Variants in MYBPC2 observed in about 807,000 individuals in gnomAD.
MYBPC2 encodes the protein myosin-binding protein C, fast-type.
MYBPC2 carries 122 observed loss-of-function variants against 137.0 expected under a neutral mutation model. The ratio of observed to expected loss-of-function variants is 0.89; its 90% CI spans 0.77 to 1.03. MYBPC2 has a LOEUF of 1.03. Among genes scored for constraint, MYBPC2 ranks in the 50% least tolerant of loss-of-function variants. MYBPC2 has a pLI of 0.00. For synonymous variants in MYBPC2, 626 were observed against 612.3 expected (o/e 1.02, Z -0.33); for missense variants, 1,500 against 1,534.4 (o/e 0.98, Z 0.37).
Position 50,458,960 on chromosome 19 carries a change from A to T in MYBPC2, c.2549A>T (p.Tyr850Phe). The T allele has an allele frequency of 6.2e-7, 1 of 1,612,716 alleles. No individual in the cohort carries two copies. Residue 850 changes from tyrosine to phenylalanine, a missense_variant, in exon 22 of 28, where the codon TAC (tyrosine) becomes TTC (phenylalanine). Physicochemically the swap from Tyr to Phe is conservative, Grantham distance 22. Transcript: ENST00000357701. ...IRLPRHLRQT[Y>F]IRKVGEQLNL... ...CTTCCCCGCCATCTCCGCCAGACCT[A>T]CATCCGCAAAGTGGGCGAGCAGCTC...
intron 20 of MYBPC2, among the ~76,000 whole-genome samples, chr19:50,457,293 C>T (rs953876998): frequency 6.6e-6 from 1 of 152,200 alleles, no homozygotes; most frequent in East Asian, 1.9e-4. Flanking sequence ...CAGAACCCAG[C>T]TTGTTAGAGT....
intron 6 of MYBPC2, 21 bp from the exon 7 acceptor site, chr19:50,437,638 A>G: frequency 6.2e-7 from 1 of 1,600,064 alleles, no homozygotes; most frequent in Non-Finnish European, 8.5e-7. Context: ...CAAGACTCAC[A>G]TGCCCTCTCA....
intron 20 of MYBPC2, among the ~76,000 whole-genome samples, chr19:50,456,801 A>G (rs2039918687): frequency 6.6e-6 from 1 of 151,060 alleles, no homozygotes; most frequent in Non-Finnish European, 1.5e-5. Context: ...CCCTCTTTCT[A>G]CCTATATGGC....
At position 50,435,713 on chromosome 19, in the gene MYBPC2, G is replaced by A. The variant is rs923627864; in HGVS notation, c.110-63G>A. ...TGTCTCTAAGTCCTTTCCCCAAAGCGGCCCACTGTCCCCTCCCCAGCCTAT... is the reference window on the plus strand; with the variant it reads ...TGTCTCTAAGTCCTTTCCCCAAAGCAGCCCACTGTCCCCTCCCCAGCCTAT... On this transcript the variant is annotated intron_variant, in intron 2 of 27. Coordinates refer to ENST00000357701, the MANE Select transcript of MYBPC2 (RefSeq NM_004533.4). This position sits in a 1 kb window ranked among gnomAD's most constrained non-coding sequence, Gnocchi z 4.8. 3.6e-6 allele frequency: 5 copies of A among 1,372,912 alleles called. No homozygotes were observed. The highest frequency in any genetic ancestry group is 1.8e-4 in the Middle Eastern group (1 of 5,450). The allele number at this position is 1,372,912 out of a possible 1,614,324, so 85.0% of individuals were successfully genotyped here.
At position 50,461,954 on chromosome 19, in the gene MYBPC2, A is replaced by C. The variant is rs747255080; in HGVS notation, c.3146A>C (p.Lys1049Thr). The change falls in exon 26 of 28, where the codon AAG becomes ACG. Residue 1049 changes from lysine (K) to threonine (T), a missense_variant. Physicochemically the swap from Lys to Thr is moderately conservative, Grantham distance 78 (BLOSUM62 -1). Coordinates refer to ENST00000357701, the MANE Select transcript of MYBPC2 (RefSeq NM_004533.4). ...GAGCATGACTTCCGGATGGCTCCCA[A>C]GTTCCTGACACCTCTCATAGACCGC... ...YKEHDFRMAP[K>T]FLTPLIDRVV... is the part of the protein sequence containing the mutation. 2.1e-5 allele frequency: 33 copies of C among 1,589,160 alleles called. No homozygotes were observed. The highest frequency in any genetic ancestry group is 2.8e-5 in the Non-Finnish European group (33 of 1,167,242).
At position 50,451,913 on chromosome 19, in the gene MYBPC2, G is replaced by A. The variant is rs763727258; in HGVS notation, c.1659G>A (p.Ala553=). ...GCTCGGGGAAGACCTCAGAGAATGC[G>A]ATTGTGGTTGTGGCTGGAAACAAGC... is the stretch of plus-strand genomic sequence containing the variant. The part of the protein sequence containing the change: ...LDCSGKTSEN[A]IVVVAGNKLR... Residue 553 remains alanine, a synonymous_variant, in exon 16 of 28, where the codon GCG becomes GCA. Transcript: ENST00000357701. 8.2e-6 allele frequency: 13 copies of A among 1,584,662 alleles called. No homozygotes were observed. The highest frequency in any genetic ancestry group is 4.0e-5 in the African/African-American group (3 of 74,448).
In MYBPC2 at chr19:50,461,646, T is replaced by A. The variant is rs1156267273; in HGVS notation, c.3036T>A (p.Cys1012Ter). 1 of 1,612,598 alleles carries A rather than the reference T, an allele frequency of 6.2e-7. No homozygotes were observed. Among genetic ancestry groups the A allele is most frequent in the Admixed American group, 1.7e-5 (1 of 59,806 alleles). Residue 1012 changes from cysteine to a stop codon, truncating the protein, a stop_gained, in exon 25 of 28, where the codon TGT becomes TGA. Coordinates refer to ENST00000357701, the MANE Select transcript of MYBPC2 (RefSeq NM_004533.4). LOFTEE classifies it high-confidence loss of function. ...YYFRVYTENI[C>*]GLSDSPGVSK... ...TCCGAGTTTACACCGAGAACATCTGTGGGCTCAGTGACTCACCTGGTGTCT... is the reference window on the plus strand; with the variant it reads ...TCCGAGTTTACACCGAGAACATCTGAGGGCTCAGTGACTCACCTGGTGTCT...
In MYBPC2 at chr19:50,435,688, T is replaced by G. The variant is rs549838432; in HGVS notation, c.110-88T>G. 2.7e-6 allele frequency: 3 copies of G among 1,126,878 alleles called. No homozygotes were observed. The African/African-American group carries it at 4.7e-5, about 18-fold the overall frequency. The allele number at this position is 1,126,878 out of a possible 1,614,324, so 69.8% of individuals were successfully genotyped here. ...GGTTTCTGAGTAGAGGGGCCCTCAC[T>G]GTCTCTAAGTCCTTTCCCCAAAGCG... On this transcript the variant is annotated intron_variant, in intron 2 of 27. Transcript: ENST00000357701. This position sits in a 1 kb window ranked among gnomAD's most constrained non-coding sequence, Gnocchi z 4.8.
Position 50,448,206 on chromosome 19 carries a change from T to C in MYBPC2, c.1307-19T>C. Reference sequence around the variant, plus strand: ...TGACTAGAGTAGTGACGGCTCCTTGTCTTTCTCTCCCTGACCAGAGAAACA... The same window carrying C: ...TGACTAGAGTAGTGACGGCTCCTTGCCTTTCTCTCCCTGACCAGAGAAACA... On this transcript the variant is annotated intron_variant, in intron 12 of 27. Coordinates refer to ENST00000357701, the MANE Select transcript of MYBPC2 (RefSeq NM_004533.4). 6.2e-7 allele frequency: 1 copy of C among 1,609,516 alleles called. No homozygotes were observed.
At chr19:50,442,575 G>A (rs2039766162) in intron 9 of MYBPC2, among the ~76,000 whole-genome samples, 1 of 151,776 alleles carries the variant, frequency 6.6e-6, no homozygotes. Flanking sequence ...AATTAGCCGG[G>A]TGTGGTGGCA....
intron 16 of MYBPC2, 145 bp downstream of exon 16, chr19:50,452,148 T>C: frequency 3.2e-6 from 3 of 941,222 alleles, no homozygotes; most frequent in Non-Finnish European, 4.7e-6. Flanking sequence ...ATTATGTTTG[T>C]CCATCACAGG....
In MYBPC2 at chr19:50,460,088, C is replaced by T. The variant is rs753248874; in HGVS notation, c.2840C>T (p.Thr947Met). 5.6e-5 allele frequency: 88 copies of T among 1,570,756 alleles called. 3 individuals carry two copies. In the South Asian group the frequency reaches 8.8e-4, roughly 16 times the overall value. The change falls in exon 24 of 28, where the codon ACG (threonine) becomes ATG (methionine). Residue 947 changes from threonine to methionine, a missense_variant. Physicochemically the swap from Thr to Met is moderately conservative, Grantham distance 81. Coordinates refer to ENST00000357701, the MANE Select transcript of MYBPC2 (RefSeq NM_004533.4). ...INVMVKEVWG[T>M]NALVEWQAPK... ...GTGATGGTGAAGGAGGTGTGGGGCA[C>T]GAACGCGCTGGTGGAGTGGCAGGCC...
Position 50,460,176 on chromosome 19 carries a change from C to T in MYBPC2, c.2928C>T (p.Thr976=), listed in dbSNP as rs1568669159. Residue 976 remains threonine, a synonymous_variant, in exon 24 of 28, where the codon ACC becomes ACT. Coordinates refer to ENST00000357701, the MANE Select transcript of MYBPC2 (RefSeq NM_004533.4). ...TCGTCCAGAAAGCAGACAAAAAAAC[C>T]ATGGTGAGAGAGCAGAGGGGGAGAT... ...GYFVQKADKK[T]MEWFNVYERN... 6.2e-7 allele frequency: 1 copy of T among 1,603,226 alleles called. No individual in the cohort carries two copies. Among genetic ancestry groups the T allele is most frequent in the Non-Finnish European group, 8.5e-7 (1 of 1,174,920 alleles).
intron 1 of MYBPC2, among the ~76,000 whole-genome samples, chr19:50,433,591 C>T (rs547349809): frequency 1.1e-4 from 16 of 152,082 alleles, no homozygotes; most frequent in African/African-American, 3.9e-4. Flanking sequence ...AGACGGGTTT[C>T]GCCATGTTGA....
At chr19:50,444,167 CATCCATCCATCCATCT>C (rs1046656565) in intron 11 of MYBPC2, among the ~76,000 whole-genome samples, 3 of 149,436 alleles carry the variant, frequency 2.0e-5, no homozygotes, top group African/African-American at 7.5e-5. Flanking sequence ...TCCATCCATC[CATCCATCCATCCATCT>C]GCTTAACCAT....
Position 50,445,980 on chromosome 19 carries a change from GTC to G in MYBPC2, c.1235_1236del (p.Val412AlafsTer17). On this transcript the variant is annotated frameshift_variant, in exon 12 of 28. Transcript: ENST00000357701. LOFTEE classifies it high-confidence loss of function. ...KRHILIFSDV[V>X]QEDRGRYQVI... ...CCACATCCTCATCTTCTCAGACGTG[GTC>G]CAGGAGGACAGGGGTCGCTATCAGG... is the stretch of plus-strand genomic sequence containing the variant. 6.2e-7 allele frequency: 1 copy of G among 1,613,394 alleles called. No homozygotes were observed. The highest frequency in any genetic ancestry group is 8.5e-7 in the Non-Finnish European group (1 of 1,179,674).
rs1601291906 is a variant in MYBPC2 at position 50,452,550 on chromosome 19, A to G, written c.1749+547A>G. ...TATCTATCTATCTATGTATCTATCT[A>G]TCTATCTATGTATCTATATTTTTGA... On this transcript the variant is annotated intron_variant, in intron 16 of 27. Coordinates refer to ENST00000357701, the MANE Select transcript of MYBPC2 (RefSeq NM_004533.4). Among the ~76,000 whole-genome samples, 4 of 151,748 alleles carry G rather than the reference A, an allele frequency of 2.6e-5. No individual in the cohort carries two copies. In the South Asian group the frequency reaches 8.3e-4, roughly 32 times the overall value.
intron 11 of MYBPC2, among the ~76,000 whole-genome samples, chr19:50,444,157 T>C (rs895054790): frequency 8.1e-5 from 12 of 148,564 alleles, no homozygotes; most frequent in Admixed American, 8.0e-4. Flanking sequence ...CATCCATCCA[T>C]CCATCCATCC....
intron 7 of MYBPC2, among the ~76,000 whole-genome samples, chr19:50,440,557 G>A (rs1364957100): frequency 6.6e-6 from 1 of 151,706 alleles, no homozygotes; most frequent in Non-Finnish European, 1.5e-5. Context: ...CAGCTACTCG[G>A]GAGGCTGAGG....
Sources: gnomAD v4.1 joint callset for allele counts (sites outside exome capture counted in the v4.1 genomes callset) on GRCh38, gnomAD v4.1.1 for gene constraint, Gnocchi (gnomAD v3.1) non-coding constraint, MANE v1.5 for transcripts, NCBI Gene and HGNC (gene_info 2026-07-23, HGNC 2026-07-21) for gene names.